CNTNAP5: variants seen among roughly 807,000 people sequenced by gnomAD.
The protein encoded by CNTNAP5 is contactin-associated protein-like 5.
A neutral mutation model predicts 150.2 loss-of-function variants in CNTNAP5; 72 were observed. The observed-to-expected ratio is 0.48, with a 90% CI of 0.40 to 0.58. The LOEUF (loss-of-function observed/expected upper bound fraction) is 0.58, where lower values mean the gene tolerates loss of function less well. Among genes scored for constraint, CNTNAP5 ranks in the 20% least tolerant of loss-of-function variants. The pLI is 0.00. For missense variants in CNTNAP5, 1,636 were observed against 1,626.2 expected (o/e 1.01, Z -0.10); for synonymous variants, 672 against 619.8 (o/e 1.08, Z -1.25).
At chr2:124,836,424 G>C (rs1370359167) in intron 19 of CNTNAP5, among the ~76,000 whole-genome samples, 1 of 152,142 alleles carries the variant, frequency 6.6e-6, no homozygotes, top group African/African-American at 2.4e-5. Context: ...GGCTTTCATT[G>C]TCAAATATTC....
chr2:124,681,689 G>T (rs1367158864), intron 13 of CNTNAP5, among the ~76,000 whole-genome samples: 2 of 152,114 alleles, frequency 1.3e-5, no homozygotes, highest in Non-Finnish European at 2.9e-5. Context: ...TCAGCCTCCT[G>T]AGTAGCTGGG....
chr2:124,236,865 G>C (rs1393150557), intron 2 of CNTNAP5, among the ~76,000 whole-genome samples: 1 of 152,148 alleles, frequency 6.6e-6, no homozygotes, highest in Non-Finnish European at 1.5e-5. Flanking sequence ...GGTGGCTCAT[G>C]CCTATAATCC....
chr2:124,649,844 T>C (rs925062952), intron 13 of CNTNAP5, among the ~76,000 whole-genome samples: 1 of 152,218 alleles, frequency 6.6e-6, no homozygotes, highest in African/African-American at 2.4e-5. Flanking sequence ...ATTCAACAAA[T>C]ACTGGTGTCC....
intron 3 of CNTNAP5, among the ~76,000 whole-genome samples, chr2:124,407,908 G>T (rs1691618214): frequency 1.3e-5 from 2 of 152,142 alleles, no homozygotes; most frequent in Admixed American, 1.3e-4. Flanking sequence ...AACAGCTCCG[G>T]TCTACAGCTC....
chr2:124,813,342 G>T (rs1682279963), intron 19 of CNTNAP5, among the ~76,000 whole-genome samples: 2 of 150,042 alleles, frequency 1.3e-5, no homozygotes, highest in South Asian at 4.2e-4. Context: ...CTCCCAAAAT[G>T]CTGGGATTAC....
At chr2:124,505,904 G>A (rs551614874) in intron 8 of CNTNAP5, among the ~76,000 whole-genome samples, 2 of 152,292 alleles carry the variant, frequency 1.3e-5, no homozygotes, top group South Asian at 2.1e-4. Flanking sequence ...GCTTTTCACC[G>A]CAGGTCAACA....
intron 11 of CNTNAP5, among the ~76,000 whole-genome samples, chr2:124,566,410 A>G (rs1231733022): frequency 6.6e-6 from 1 of 152,208 alleles, no homozygotes; most frequent in Non-Finnish European, 1.5e-5. Context: ...CAGGCTAAAA[A>G]TAGAAGATGT....
intron 12 of CNTNAP5, among the ~76,000 whole-genome samples, chr2:124,614,181 TA>T (rs1462758753): frequency 1.3e-5 from 2 of 152,158 alleles, no homozygotes; most frequent in Non-Finnish European, 2.9e-5. Context: ...ATTAGTTTCC[TA>T]GGGCTCTATA....
At chr2:124,200,539 A>C (rs546032248) in intron 1 of CNTNAP5, among the ~76,000 whole-genome samples, 1 of 152,320 alleles carries the variant, frequency 6.6e-6, no homozygotes, top group African/African-American at 2.4e-5. Context: ...GTAAAAAAAA[A>C]CACTTAACAT....
intron 1 of CNTNAP5, among the ~76,000 whole-genome samples, chr2:124,038,034 A>T (rs1408772031): frequency 6.6e-6 from 1 of 152,194 alleles, no homozygotes; most frequent in African/African-American, 2.4e-5. Context: ...ACGCTGCAAG[A>T]TTCATCCCCA....
Position 124,647,748 on chromosome 2 carries a change from G to A in CNTNAP5, c.1877-10G>A, listed in dbSNP as rs770385125. ...AACGTCTCTTGCTTTGTGTTGTGTT[G>A]TCTGGGCAGAGGACAAGATCTGGAC... On this transcript the variant is annotated splice_polypyrimidine_tract_variant and intron_variant, in intron 12 of 23. Coordinates refer to ENST00000682447, the MANE Select transcript of CNTNAP5 (RefSeq NM_001367498.1). The A allele has an allele frequency of 6.3e-7, 1 of 1,580,592 alleles. No homozygotes were observed. Among genetic ancestry groups the A allele is most frequent in the Non-Finnish European group, 8.6e-7 (1 of 1,157,580 alleles).
chr2:124,059,795 A>T (rs1384553362), intron 1 of CNTNAP5, among the ~76,000 whole-genome samples: 1 of 151,998 alleles, frequency 6.6e-6, no homozygotes, highest in Admixed American at 6.6e-5. Flanking sequence ...TCTGAACAAG[A>T]TGGCGAGTTC....
chr2:124,417,408 C>T, intron 3 of CNTNAP5, 35 bp from the exon 4 acceptor site: 2 of 1,603,158 alleles, frequency 1.2e-6, no homozygotes, highest in Non-Finnish European at 1.7e-6. Context: ...TCCATGATAG[C>T]ACAGACCTCA....
At chr2:124,618,109 C>T (rs150700943) in intron 12 of CNTNAP5, among the ~76,000 whole-genome samples, 6 of 152,246 alleles carry the variant, frequency 3.9e-5, no homozygotes, top group Admixed American at 2.0e-4. Context: ...ACTTGAGCAG[C>T]AGCAAGCAAA....
chr2:124,066,449 A>G (rs60205509), intron 1 of CNTNAP5, among the ~76,000 whole-genome samples: 59,149 of 151,986 alleles, frequency 0.39, 11,958 homozygotes, highest in Admixed American at 0.44. Context: ...ATATCCCATT[A>G]GATCAATGGC....
At chr2:124,324,503 G>T (rs532189740) in intron 3 of CNTNAP5, among the ~76,000 whole-genome samples, 3 of 152,320 alleles carry the variant, frequency 2.0e-5, no homozygotes, top group East Asian at 3.9e-4. Context: ...CAAGAAGAAT[G>T]CCTGGAGTGC....
intron 10 of CNTNAP5, among the ~76,000 whole-genome samples, chr2:124,563,011 G>A (rs13428803): frequency 0.016 from 2,490 of 152,190 alleles, 68 homozygotes; most frequent in African/African-American, 0.057. Context: ...CTTTCATTGC[G>A]CAGTAATGCA....
intron 4 of CNTNAP5, among the ~76,000 whole-genome samples, chr2:124,432,549 G>A (rs1333029047): frequency 1.3e-5 from 2 of 152,116 alleles, no homozygotes; most frequent in African/African-American, 4.8e-5. Context: ...GAAACTCTAT[G>A]GGACACTATG....
Position 124,523,411 on chromosome 2 carries a change from A to AT in CNTNAP5, c.1328-888dup, listed in dbSNP as rs1238059911. ...GTGACCAATCAGTTAATATGACTTT[A>AT]TTTTCTCAGCAAGCACTTTACACCA... On this transcript the variant is annotated intron_variant, in intron 8 of 23. Coordinates refer to ENST00000682447, the MANE Select transcript of CNTNAP5 (RefSeq NM_001367498.1). Among the ~76,000 whole-genome samples, 4 of 152,302 alleles carry AT rather than the reference A, an allele frequency of 2.6e-5. No individual in the cohort carries two copies. In the East Asian group the frequency reaches 7.7e-4, roughly 29 times the overall value.
Sources: allele counts gnomAD v4.1 joint callset (sites outside exome capture counted in the v4.1 genomes callset), GRCh38; gene constraint gnomAD v4.1.1; transcripts MANE v1.5; gene names NCBI Gene and HGNC (gene_info 2026-07-23, HGNC 2026-07-21).